Variants in CFAP299 observed in about 807,000 individuals in gnomAD.
The protein encoded by CFAP299 is cilia- and flagella-associated protein 299.
Under a neutral mutation model 27.0 loss-of-function variants are expected in CFAP299, and 21 were observed. The observed-to-expected ratio is 0.78, with a 90% CI of 0.55 to 1.12. The LOEUF is 1.12. Among genes scored for constraint, CFAP299 ranks in the 50% most tolerant of loss-of-function variants. CFAP299 has a pLI of 0.00. For missense variants in CFAP299, 310 were observed against 276.6 expected, an observed-to-expected ratio of 1.12 and a Z score of -0.86; for synonymous variants, 104 against 98.1, an observed-to-expected ratio of 1.06 and a Z score of -0.36.
chr4:80,631,205 G>T (rs1739186394), intron 3 of CFAP299, among the ~76,000 whole-genome samples: 1 of 151,898 alleles, frequency 6.6e-6, no homozygotes, highest in Non-Finnish European at 1.5e-5. Flanking sequence ...AAGTTGCCAA[G>T]GTGGTAAATA....
chr4:80,865,675 T>G (rs539958807), intron 3 of CFAP299, among the ~76,000 whole-genome samples: 6 of 152,126 alleles, frequency 3.9e-5, no homozygotes, highest in African/African-American at 1.4e-4. Context: ...AAAGTCTTCT[T>G]AAAAATCTTC....
chr4:80,531,752 T>TG, intron 2 of CFAP299, among the ~76,000 whole-genome samples: 1 of 126,302 alleles, frequency 7.9e-6, no homozygotes, highest in Admixed American at 7.5e-5. Flanking sequence ...TAGAAGTTTT[T>TG]TTTTTTTTTT....
intron 5 of CFAP299, among the ~76,000 whole-genome samples, chr4:80,962,932 A>G (rs1738417309): frequency 6.6e-6 from 1 of 151,946 alleles, no homozygotes; most frequent in Non-Finnish European, 1.5e-5. Context: ...ATTTCCATAG[A>G]GGCTTTCTAG....
chr4:80,911,386 TC>T (rs1434016698), intron 4 of CFAP299, among the ~76,000 whole-genome samples: 1 of 152,172 alleles, frequency 6.6e-6, no homozygotes, highest in Non-Finnish European at 1.5e-5. Flanking sequence ...ACAAGAATTT[TC>T]ACATCAAATA....
chr4:80,839,000 T>G (rs372898155), intron 3 of CFAP299, among the ~76,000 whole-genome samples: 22 of 152,286 alleles, frequency 1.4e-4, no homozygotes, highest in African/African-American at 4.8e-4. Context: ...ACATTTCTTC[T>G]CCCAAAGACA....
Position 80,898,776 on chromosome 4 carries a change from A to C in CFAP299, c.476+28641A>C, listed in dbSNP as rs543013074. ...TATGGAGCAAAACAATCCATGGACT[A>C]TGATGATAGTGATGAGTAAATTAAA... On this transcript the variant is annotated intron_variant, in intron 4 of 5. Transcript: ENST00000358105. Among the ~76,000 whole-genome samples, 11 of 152,272 alleles carry C rather than the reference A, an allele frequency of 7.2e-5. No homozygotes were observed. In the East Asian group the frequency reaches 1.9e-3, roughly 27 times the overall value.
intron 3 of CFAP299, among the ~76,000 whole-genome samples, chr4:80,657,981 C>A (rs977162358): frequency 6.6e-6 from 1 of 152,034 alleles, no homozygotes; most frequent in Non-Finnish European, 1.5e-5. Context: ...GTATTTTATT[C>A]TCTTTGTAGC....
chr4:80,554,985 C>A (rs975505400), intron 2 of CFAP299, among the ~76,000 whole-genome samples: 43 of 152,074 alleles, frequency 2.8e-4, no homozygotes, highest in African/African-American at 1.0e-3. Context: ...TTTGGATGCC[C>A]TTTATTTCTT....
chr4:80,333,899 G>A (rs1722029710), upstream of CFAP299, among the ~76,000 whole-genome samples: 1 of 152,180 alleles, frequency 6.6e-6, no homozygotes, highest in Admixed American at 6.5e-5. Context: ...TTTCTTTGTT[G>A]CCACCCTTTC....
At chr4:80,346,354 CTA>C (rs1415486023) in intron 1 of CFAP299, among the ~76,000 whole-genome samples, 2 of 152,182 alleles carry the variant, frequency 1.3e-5, no homozygotes, top group Non-Finnish European at 2.9e-5. Context: ...TTGCTCATGC[CTA>C]TGTCTTGAAT....
chr4:80,367,608 C>T (rs941139979), intron 2 of CFAP299, among the ~76,000 whole-genome samples: 8 of 152,068 alleles, frequency 5.3e-5, no homozygotes, highest in Non-Finnish European at 1.0e-4. Context: ...GGGATAGAGT[C>T]GATTCTTCAT....
intron 3 of CFAP299, among the ~76,000 whole-genome samples, chr4:80,632,283 T>A (rs1292449968): frequency 9.0e-6 from 1 of 111,586 alleles, no homozygotes; most frequent in Non-Finnish European, 2.2e-5. Flanking sequence ...AAAGAACAAA[T>A]ATGCTTTAAG....
chr4:80,603,856 GA>G (rs1737496828), intron 3 of CFAP299, among the ~76,000 whole-genome samples: 1 of 152,078 alleles, frequency 6.6e-6, no homozygotes, highest in African/African-American at 2.4e-5. Context: ...CTCCATTTAG[GA>G]AAGCAGGAAA....
chr4:80,846,725 TC>T (rs1731204074), intron 3 of CFAP299, among the ~76,000 whole-genome samples: 1 of 152,166 alleles, frequency 6.6e-6, no homozygotes, highest in Non-Finnish European at 1.5e-5. Flanking sequence ...CTTGTTCATA[TC>T]CTCTGTTGTT....
chr4:80,498,919 CA>C (rs1442837081), intron 2 of CFAP299, among the ~76,000 whole-genome samples: 1 of 152,018 alleles, frequency 6.6e-6, no homozygotes, highest in African/African-American at 2.4e-5. Context: ...CAGCCATAAA[CA>C]AGAGTGAGAT....
rs190572064 is a variant in CFAP299, at chr4:80,895,801, A to G, written c.476+25666A>G. Among the ~76,000 whole-genome samples, 12 of 152,178 alleles carry G rather than the reference A, an allele frequency of 7.9e-5. No individual in the cohort carries two copies. In the East Asian group the frequency reaches 2.3e-3, roughly 29 times the overall value. On this transcript the variant is annotated intron_variant, in intron 4 of 5. Transcript: ENST00000358105. The stretch of plus-strand genomic sequence containing the variant: ...TGGAAGGCAGTGGTAAGGAAAAACT[A>G]CTATTAGGTAAACAAAGCAACAGAA...
intron 2 of CFAP299, among the ~76,000 whole-genome samples, chr4:80,528,830 A>T (rs1049274544): frequency 3.3e-5 from 5 of 152,234 alleles, no homozygotes; most frequent in African/African-American, 1.2e-4. Flanking sequence ...GCTGCCCAGT[A>T]TCTCAAGAAA....
At chr4:80,902,586 T>TACACACACACAC (rs3038572) in intron 4 of CFAP299, among the ~76,000 whole-genome samples, 306 of 126,688 alleles carry the variant, frequency 2.4e-3, no homozygotes, top group East Asian at 4.2e-3. Flanking sequence ...ATGTAATATA[T>TACACACACACAC]ACACACACAC....
At chr4:80,726,964 A>G (rs1449525684) in intron 3 of CFAP299, among the ~76,000 whole-genome samples, 1 of 152,096 alleles carries the variant, frequency 6.6e-6, no homozygotes, top group Non-Finnish European at 1.5e-5. Flanking sequence ...GTTCAGAAAA[A>G]AAATCTTCTT....
Sources: allele counts gnomAD v4.1 joint callset (sites outside exome capture counted in the v4.1 genomes callset), GRCh38; gene constraint gnomAD v4.1.1; transcripts MANE v1.5; gene names NCBI Gene and HGNC (gene_info 2026-07-23, HGNC 2026-07-21).